Variants in MARCHF1 observed in about 807,000 individuals in gnomAD.
MARCHF1 encodes the protein E3 ubiquitin-protein ligase MARCHF1.
A neutral mutation model predicts 54.2 loss-of-function variants in MARCHF1; 40 were observed. The observed-to-expected ratio is 0.74, with a 90% CI of 0.57 to 0.96. The LOEUF (loss-of-function observed/expected upper bound fraction) is 0.96, where lower values mean the gene tolerates loss of function less well. Among genes scored for constraint, MARCHF1 ranks in the 40% least tolerant of loss-of-function variants. MARCHF1 has a pLI of 0.00. For synonymous variants in MARCHF1, 236 were observed against 236.3 expected, an observed-to-expected ratio of 1.00 and a Z score of 0.01; for missense variants, 586 against 656.5, an observed-to-expected ratio of 0.89 and a Z score of 1.17.
At chr4:164,075,099 C>T (rs1754949930) in intron 2 of MARCHF1, among the ~76,000 whole-genome samples, 1 of 151,982 alleles carries the variant, frequency 6.6e-6, no homozygotes, top group Non-Finnish European at 1.5e-5. Flanking sequence ...AGAAAAGCAG[C>T]CTCTGTTATC....
chr4:163,544,105 C>T (rs889163918), intron 9 of MARCHF1, among the ~76,000 whole-genome samples: 7 of 152,006 alleles, frequency 4.6e-5, no homozygotes, highest in African/African-American at 1.2e-4. Context: ...CATCCATATG[C>T]GACTGCAGGA....
intron 1 of MARCHF1, among the ~76,000 whole-genome samples, chr4:164,236,090 C>T (rs989094723): frequency 6.6e-6 from 1 of 151,842 alleles, no homozygotes; most frequent in African/African-American, 2.4e-5. Flanking sequence ...TTTTTTAGTA[C>T]CAAGCTTATT....
chr4:163,563,396 G>C (rs1739536719), intron 8 of MARCHF1, among the ~76,000 whole-genome samples: 2 of 152,166 alleles, frequency 1.3e-5, no homozygotes. Context: ...GGGTTTAAAT[G>C]TACTATTTTC....
chr4:163,911,708 G>A, intron 3 of MARCHF1, among the ~76,000 whole-genome samples: 1 of 152,224 alleles, frequency 6.6e-6, no homozygotes, highest in Middle Eastern at 3.4e-3. Context: ...AAGGTAAAAC[G>A]ATGTCATATG....
intron 4 of MARCHF1, among the ~76,000 whole-genome samples, chr4:163,748,234 G>A (rs763459297): frequency 5.9e-5 from 9 of 152,036 alleles, no homozygotes; most frequent in Non-Finnish European, 8.8e-5. Flanking sequence ...GAAGATTTGC[G>A]TCCTTTCCCT....
At chr4:163,924,516 A>G (rs1751498012) in intron 3 of MARCHF1, among the ~76,000 whole-genome samples, 1 of 152,068 alleles carries the variant, frequency 6.6e-6, no homozygotes, top group South Asian at 2.1e-4. Flanking sequence ...TCAGTGGTTG[A>G]GCTGCAGGTG....
intron 5 of MARCHF1, among the ~76,000 whole-genome samples, chr4:163,632,355 G>C (rs1434524038): frequency 6.6e-6 from 1 of 152,198 alleles, no homozygotes; most frequent in Non-Finnish European, 1.5e-5. Context: ...TCACTAGGTA[G>C]TGCCAGACAG....
At chr4:164,190,207 A>G (rs899268787) in intron 1 of MARCHF1, 15 of 1,528,586 alleles carry the variant, frequency 9.8e-6, no homozygotes, top group Non-Finnish European at 1.3e-5. Flanking sequence ...CAAGCTGCTG[A>G]CATTGAAGAC....
intron 3 of MARCHF1, among the ~76,000 whole-genome samples, chr4:163,923,607 A>G (rs1751476826): frequency 6.6e-6 from 1 of 152,114 alleles, no homozygotes; most frequent in Admixed American, 6.6e-5. Flanking sequence ...CCTAAGATCA[A>G]TATGCTGTAA....
intron 4 of MARCHF1, among the ~76,000 whole-genome samples, chr4:163,786,373 GAAAAAGCATCTC>G (rs1053234476): frequency 2.6e-5 from 4 of 151,842 alleles, no homozygotes; most frequent in African/African-American, 9.7e-5. Flanking sequence ...AATTATTTCT[GAAAAAGCATCTC>G]AAACTGGTAA....
At chr4:164,340,231 C>T (rs1448862453) in intron 1 of MARCHF1, among the ~76,000 whole-genome samples, 1 of 149,920 alleles carries the variant, frequency 6.7e-6, no homozygotes, top group Non-Finnish European at 1.5e-5. Context: ...CTTCCAAACT[C>T]ATTTTTCTTT....
chr4:164,108,270 A>G (rs1172697912), intron 2 of MARCHF1, among the ~76,000 whole-genome samples: 1 of 152,156 alleles, frequency 6.6e-6, no homozygotes, highest in African/African-American at 2.4e-5. Context: ...GTAACATTAT[A>G]TACTAAGTAA....
At chr4:164,154,014 A>G (rs1414743411) in intron 1 of MARCHF1, among the ~76,000 whole-genome samples, 1 of 152,160 alleles carries the variant, frequency 6.6e-6, no homozygotes, top group African/African-American at 2.4e-5. Context: ...CTGCCACTCA[A>G]GAGCTAGCCT....
In MARCHF1 at chr4:163,891,577, A is replaced by T. The variant is rs554487193; in HGVS notation, c.-38-37408T>A. 9.9e-5 allele frequency among the ~76,000 whole-genome samples: 15 copies of T among 152,204 alleles called. No homozygotes were observed. In the South Asian group the frequency reaches 2.9e-3, roughly 29 times the overall value. ...AACCACCAAAAAAAGCTAAAAAAAAACCTGTCACCATTGCACATAGAAAAA... is the reference window on the plus strand; with the variant it reads ...AACCACCAAAAAAAGCTAAAAAAAATCCTGTCACCATTGCACATAGAAAAA... On this transcript the variant is annotated intron_variant, in intron 3 of 9. Transcript: ENST00000514618.
intron 4 of MARCHF1, among the ~76,000 whole-genome samples, chr4:163,799,548 A>T (rs1238906345): frequency 6.6e-6 from 1 of 152,172 alleles, no homozygotes; most frequent in African/African-American, 2.4e-5. Flanking sequence ...GACGTAATAA[A>T]AAACAAATAC....
chr4:163,840,862 A>G (rs1284959730), intron 4 of MARCHF1, among the ~76,000 whole-genome samples: 1 of 152,138 alleles, frequency 6.6e-6, no homozygotes, highest in Admixed American at 6.6e-5. Context: ...ATCATTTTAC[A>G]ATGTATGTGT....
At chr4:163,538,181 A>G (rs1326980168) in intron 9 of MARCHF1, among the ~76,000 whole-genome samples, 1 of 152,232 alleles carries the variant, frequency 6.6e-6, no homozygotes, top group African/African-American at 2.4e-5. Context: ...GATGGACTTC[A>G]CAGCTCATTC....
chr4:164,002,533 A>G (rs932895916), intron 2 of MARCHF1, among the ~76,000 whole-genome samples: 1 of 151,774 alleles, frequency 6.6e-6, no homozygotes, highest in Non-Finnish European at 1.5e-5. Context: ...CGCCAAAAAA[A>G]AACTTAAAAA....
intron 2 of MARCHF1, among the ~76,000 whole-genome samples, chr4:164,107,588 G>A (rs1755734868): frequency 6.6e-6 from 1 of 151,970 alleles, no homozygotes; most frequent in Admixed American, 6.6e-5. Flanking sequence ...GTATGGAACT[G>A]CTGGGCTCAA....
Sources: gnomAD v4.1 joint callset for allele counts (sites outside exome capture counted in the v4.1 genomes callset) on GRCh38, gnomAD v4.1.1 for gene constraint, MANE v1.5 for transcripts, NCBI Gene and HGNC (gene_info 2026-07-23, HGNC 2026-07-21) for gene names.